The following FTO variants were observed in gnomAD, a reference collection of about 807,000 sequenced individuals.
FTO encodes alpha-ketoglutarate-dependent dioxygenase FTO.
In FTO, 47 loss-of-function variants were observed where a neutral mutation model predicts 63.9. The observed-to-expected ratio is 0.74, with a 90% CI of 0.58 to 0.94. FTO has a LOEUF of 0.94. FTO is among the 40% of genes least tolerant of loss of function. The pLI is 0.00. For missense variants in FTO, 562 were observed against 618.1 expected (o/e 0.91, Z 0.96); for synonymous variants, 207 against 224.4 (o/e 0.92, Z 0.69).
At chr16:53,805,085 A>G (rs1178972249) in intron 1 of FTO, among the ~76,000 whole-genome samples, 2 of 152,210 alleles carry the variant, frequency 1.3e-5, no homozygotes, top group African/African-American at 4.8e-5. Context: ...AGACTCAGGT[A>G]ACAAAATTAA....
intron 8 of FTO, among the ~76,000 whole-genome samples, chr16:53,949,431 G>A (rs1158790884): frequency 6.6e-6 from 1 of 152,124 alleles, no homozygotes; most frequent in African/African-American, 2.4e-5. Context: ...AAAAAGGTAA[G>A]CCTAAACCTT....
chr16:53,812,290 A>G (rs2078553678), intron 2 of FTO, among the ~76,000 whole-genome samples: 1 of 146,924 alleles, frequency 6.8e-6, no homozygotes, highest in South Asian at 2.1e-4. Context: ...TTTTTTTGAG[A>G]TAGAGTCTAG....
intron 1 of FTO, among the ~76,000 whole-genome samples, chr16:53,774,299 A>G (rs2077411911): frequency 1.3e-5 from 2 of 152,170 alleles, no homozygotes; most frequent in South Asian, 4.1e-4. Flanking sequence ...AAGTGAAACA[A>G]TAACTTCTCA....
chr16:53,706,911 CAAAA>C (rs1393024388), intron 1 of FTO, among the ~76,000 whole-genome samples: 4 of 152,002 alleles, frequency 2.6e-5, no homozygotes, highest in Non-Finnish European at 5.9e-5. Context: ...TCATTTCTGT[CAAAA>C]AAAGCTGCTA....
chr16:53,737,712 G>T (rs2076422112), intron 1 of FTO, among the ~76,000 whole-genome samples: 1 of 152,112 alleles, frequency 6.6e-6, no homozygotes, highest in South Asian at 2.1e-4. Flanking sequence ...GCCCTCTTGG[G>T]AAACATGTTT....
intron 4 of FTO, among the ~76,000 whole-genome samples, chr16:53,848,002 G>A (rs1375102488): frequency 1.3e-5 from 2 of 152,100 alleles, no homozygotes; most frequent in Non-Finnish European, 2.9e-5. Context: ...GATATAGTTG[G>A]TATCCTACTG....
chr16:53,901,777 T>A (rs1212917951), intron 7 of FTO, among the ~76,000 whole-genome samples: 2 of 152,168 alleles, frequency 1.3e-5, no homozygotes, highest in Non-Finnish European at 2.9e-5. Context: ...GATGCTGTTA[T>A]TTTCCAATGA....
Position 54,035,458 on chromosome 16 carries a change from T to A in FTO, c.1365-76304T>A, listed in dbSNP as rs1292794855. On this transcript the variant is annotated intron_variant, in intron 8 of 8. Transcript: ENST00000471389. ...TTAGTCAGACACTGGATAGCAGAAC[T>A]CCTCCCCTGGGAGAAAAGGTCTTTA... Among the ~76,000 whole-genome samples, 4 of 152,150 alleles carry A rather than the reference T, an allele frequency of 2.6e-5. 1 individual carries two copies. The highest frequency in any genetic ancestry group is 5.9e-5 in the Non-Finnish European group (4 of 68,020).
chr16:54,054,607 T>A (rs1479479589), intron 8 of FTO: 2 of 152,220 alleles, frequency 1.3e-5, no homozygotes, highest in African/African-American at 2.4e-5. Flanking sequence ...CTTGCCATTG[T>A]CACCGGTAGT....
chr16:53,990,612 C>T (rs1214755563), intron 8 of FTO, among the ~76,000 whole-genome samples: 1 of 150,496 alleles, frequency 6.6e-6, no homozygotes, highest in Admixed American at 6.6e-5. Flanking sequence ...TGGTGTGTCT[C>T]ACATGCTTTT....
At chr16:53,776,334 C>G (rs751009151) in intron 1 of FTO, among the ~76,000 whole-genome samples, 15 of 152,136 alleles carry the variant, frequency 9.9e-5, no homozygotes, top group Non-Finnish European at 1.8e-4. Flanking sequence ...GTAAATCAGA[C>G]ATGTAAATTA....
intron 1 of FTO, among the ~76,000 whole-genome samples, chr16:53,789,688 T>G (rs1185061500): frequency 6.6e-6 from 1 of 151,786 alleles, no homozygotes; most frequent in African/African-American, 2.4e-5. Context: ...GTACCTGGTT[T>G]TTTATTTTTG....
At position 53,797,450 on chromosome 16, in the gene FTO, T is replaced by C. The variant is rs149567060; in HGVS notation, c.46-12690T>C. ...AGGCCTGTCTTCCGTCACTCAGCAT[T>C]GTGATTTTGAGATCCATCATGTTGT... is the stretch of plus-strand genomic sequence containing the variant. On this transcript the variant is annotated intron_variant, in intron 1 of 8. Transcript: ENST00000471389. Among the ~76,000 whole-genome samples the C allele has an allele frequency of 2.0e-5, 3 of 152,350 alleles. No homozygotes were observed. The East Asian group carries it at 5.8e-4, about 29-fold the overall frequency.
At chr16:53,945,050 A>G (rs767116831) in intron 8 of FTO, among the ~76,000 whole-genome samples, 8 of 152,174 alleles carry the variant, frequency 5.3e-5, no homozygotes, top group Non-Finnish European at 1.0e-4. Context: ...ATTAGTGACT[A>G]TAGGACTCTG....
intron 8 of FTO, among the ~76,000 whole-genome samples, chr16:54,111,242 C>T (rs1274287797): frequency 6.6e-6 from 1 of 152,230 alleles, no homozygotes; most frequent in Non-Finnish European, 1.5e-5. Flanking sequence ...CCTTGGAGTG[C>T]CTTTTTCTGA....
intron 1 of FTO, among the ~76,000 whole-genome samples, chr16:53,743,553 G>A (rs2076577100): frequency 6.7e-6 from 1 of 148,170 alleles, no homozygotes; most frequent in Non-Finnish European, 1.5e-5. Context: ...GGAAAGTGGG[G>A]TAAAGAACTT....
rs115006983 is a variant in FTO, at chr16:54,104,730, C to T, written c.1365-7032C>T. On this transcript the variant is annotated intron_variant, in intron 8 of 8. Coordinates refer to ENST00000471389, the MANE Select transcript of FTO (RefSeq NM_001080432.3). The stretch of plus-strand genomic sequence containing the variant: ...CAGCATTTGGCCAAGTGACTGTCAA[C>T]TCCTTAAATTCAACTTCCAGAAAAA... Among the ~76,000 whole-genome samples the T allele has an allele frequency of 8.0e-3, 1,218 of 152,326 alleles. 17 individuals carry two copies. The highest frequency in any genetic ancestry group is 0.028 in the African/African-American group (1,162 of 41,574).
intron 1 of FTO, among the ~76,000 whole-genome samples, chr16:53,788,291 T>C (rs902493267): frequency 6.6e-6 from 1 of 152,122 alleles, no homozygotes; most frequent in Non-Finnish European, 1.5e-5. Flanking sequence ...TATATGCTGT[T>C]CTGCTTTTGA....
chr16:53,732,751 A>G (rs2076303175), intron 1 of FTO, among the ~76,000 whole-genome samples: 1 of 152,172 alleles, frequency 6.6e-6, no homozygotes. Context: ...GGGGTGGTGG[A>G]AAGGCCAGCA....
Sources: gnomAD v4.1 joint callset for allele counts (sites outside exome capture counted in the v4.1 genomes callset) on GRCh38, gnomAD v4.1.1 for gene constraint, MANE v1.5 for transcripts, NCBI Gene and HGNC (gene_info 2026-07-23, HGNC 2026-07-21) for gene names.